The following VAV3 variants were observed in gnomAD, a reference collection of about 807,000 sequenced individuals.
VAV3 encodes vav guanine nucleotide exchange factor 3.
In VAV3, 94 loss-of-function variants were observed where a neutral mutation model predicts 131.2. That is an observed-to-expected ratio of 0.72 (90% CI 0.61 to 0.85). VAV3 has a LOEUF of 0.85. Among genes scored for constraint, VAV3 ranks in the 40% least tolerant of loss-of-function variants. The probability of loss-of-function intolerance (pLI) is 0.00; values close to 1 mark genes in which losing one functional copy is unlikely to be tolerated. For synonymous variants in VAV3, 349 were observed against 342.0 expected, an observed-to-expected ratio of 1.02 and a Z score of -0.22; for missense variants, 939 against 1,002.7, an observed-to-expected ratio of 0.94 and a Z score of 0.86.
chr1:107,922,232 T>C (rs1672932252), intron 1 of VAV3, among the ~76,000 whole-genome samples: 1 of 152,244 alleles, frequency 6.6e-6, no homozygotes, highest in South Asian at 2.1e-4. Context: ...TATCATAATA[T>C]ATATTTATAT....
chr1:107,597,022 G>T (rs1234184836), intron 24 of VAV3, among the ~76,000 whole-genome samples: 1 of 152,006 alleles, frequency 6.6e-6, no homozygotes, highest in African/African-American at 2.4e-5. Flanking sequence ...TCGCAGGTTG[G>T]TTTCATAGAT....
At chr1:107,759,417 T>G (rs1664295540) in intron 10 of VAV3, among the ~76,000 whole-genome samples, 2 of 152,178 alleles carry the variant, frequency 1.3e-5, no homozygotes, top group South Asian at 4.1e-4. Flanking sequence ...GAATCTGTGG[T>G]TTCAAATCAT....
At position 107,711,429 on chromosome 1, in the gene VAV3, G is replaced by A. The variant is rs185080245; in HGVS notation, c.1503-6368C>T. Among the ~76,000 whole-genome samples the A allele has an allele frequency of 1.4e-3, 213 of 152,150 alleles. 1 individual carries two copies. The highest frequency in any genetic ancestry group is 2.2e-3 in the Non-Finnish European group (149 of 67,996). Reference sequence around the variant, plus strand: ...TAAATCACATTTTTTTTAAGTCTAGGCAGATTGGCACAATGAAATTCAGTA... The same window carrying A: ...TAAATCACATTTTTTTTAAGTCTAGACAGATTGGCACAATGAAATTCAGTA... On this transcript the variant is annotated intron_variant, in intron 15 of 26. Coordinates refer to ENST00000370056, the MANE Select transcript of VAV3 (RefSeq NM_006113.5).
chr1:107,682,867 TG>T (rs1658747317), intron 19 of VAV3, among the ~76,000 whole-genome samples: 1 of 152,208 alleles, frequency 6.6e-6, no homozygotes. Context: ...AAAAAATCTT[TG>T]GTAATTAAAC....
intron 15 of VAV3, among the ~76,000 whole-genome samples, chr1:107,720,216 A>G (rs1209239110): frequency 6.6e-6 from 1 of 151,750 alleles, no homozygotes; most frequent in African/African-American, 2.4e-5. Context: ...TAATAAAAAA[A>G]TAAAAATAAA....
chr1:107,735,076 T>C (rs1011118083), intron 15 of VAV3, among the ~76,000 whole-genome samples: 19 of 152,170 alleles, frequency 1.2e-4, no homozygotes, highest in African/African-American at 4.6e-4. Context: ...CACAACTACA[T>C]GGAAACTGAA....
At chr1:107,707,082 G>A (rs1221900914) in intron 15 of VAV3, among the ~76,000 whole-genome samples, 2 of 152,138 alleles carry the variant, frequency 1.3e-5, no homozygotes, top group Non-Finnish European at 2.9e-5. Flanking sequence ...AAATTATGAT[G>A]AAAAAGGTTC....
intron 19 of VAV3, among the ~76,000 whole-genome samples, chr1:107,657,446 C>A (rs973035621): frequency 1.2e-4 from 19 of 152,090 alleles, no homozygotes; most frequent in Non-Finnish European, 2.4e-4. Flanking sequence ...CTTAATTTTC[C>A]CTTTCTGGCT....
chr1:107,682,720 T>C (rs1039115945), intron 19 of VAV3, among the ~76,000 whole-genome samples: 2 of 144,234 alleles, frequency 1.4e-5, no homozygotes, highest in Admixed American at 6.9e-5. Context: ...GAAAACAAAA[T>C]GAAACACATA....
intron 21 of VAV3, among the ~76,000 whole-genome samples, chr1:107,614,408 T>C (rs1652984698): frequency 6.6e-6 from 1 of 152,004 alleles, no homozygotes; most frequent in African/African-American, 2.4e-5. Flanking sequence ...TACCATTTTC[T>C]AAACTCCCTC....
intron 11 of VAV3, among the ~76,000 whole-genome samples, chr1:107,756,330 C>T (rs141464207): frequency 6.6e-6 from 1 of 152,236 alleles, no homozygotes; most frequent in African/African-American, 2.4e-5. Flanking sequence ...AGGGACAGAA[C>T]TCTGCAAAAA....
intron 2 of VAV3, among the ~76,000 whole-genome samples, chr1:107,814,014 G>GTGTA: frequency 7.2e-6 from 1 of 138,588 alleles, no homozygotes; most frequent in African/African-American, 2.6e-5. Flanking sequence ...GTGTGTGTGT[G>GTGTA]TATACACACC....
chr1:107,857,821 T>A (rs1342162771), intron 2 of VAV3, among the ~76,000 whole-genome samples: 1 of 152,200 alleles, frequency 6.6e-6, no homozygotes, highest in African/African-American at 2.4e-5. Context: ...GAATGAAGAA[T>A]GCTTCCTAGA....
chr1:107,837,313 C>T (rs570065674), intron 2 of VAV3, among the ~76,000 whole-genome samples: 4 of 152,044 alleles, frequency 2.6e-5, no homozygotes, highest in Non-Finnish European at 5.9e-5. Context: ...GAACTAAAAT[C>T]AAAAACCATA....
At chr1:107,586,230 TAGCAAGTGGC>T (rs1650482317) in intron 25 of VAV3, among the ~76,000 whole-genome samples, 1 of 151,848 alleles carries the variant, frequency 6.6e-6, no homozygotes. Context: ...CCTTCCCTAC[TAGCAAGTGGC>T]ATCTCCATTA....
rs1666482632 is a variant in VAV3 at position 107,795,280 on chromosome 1, T to A, written c.322-15788A>T. ...GTTACCAAGATAACTAGCATCTAAA[T>A]AACTTAGTAAACTATGTCCTTTAAA... On this transcript the variant is annotated intron_variant, in intron 2 of 26. Coordinates refer to ENST00000370056, the MANE Select transcript of VAV3 (RefSeq NM_006113.5). 2.0e-5 allele frequency among the ~76,000 whole-genome samples: 3 copies of A among 152,236 alleles called. No individual in the cohort carries two copies. In the South Asian group the frequency reaches 6.2e-4, roughly 32 times the overall value.
At chr1:107,866,871 C>T (rs1159520462) in intron 2 of VAV3, among the ~76,000 whole-genome samples, 1 of 147,572 alleles carries the variant, frequency 6.8e-6, no homozygotes, top group East Asian at 2.0e-4. Flanking sequence ...AACCATTTAG[C>T]TCCTGGCAGG....
intron 20 of VAV3, among the ~76,000 whole-genome samples, chr1:107,618,543 A>G (rs1196338174): frequency 6.6e-6 from 1 of 152,236 alleles, no homozygotes; most frequent in Admixed American, 6.5e-5. Context: ...GGTTTTTATC[A>G]TTAAACTGCA....
intron 2 of VAV3, among the ~76,000 whole-genome samples, chr1:107,841,882 T>C (rs1253344819): frequency 6.6e-6 from 1 of 152,166 alleles, no homozygotes; most frequent in Non-Finnish European, 1.5e-5. Context: ...TAAATGATAA[T>C]TGGGGTGCGT....
Sources: gnomAD v4.1 joint callset for allele counts (sites outside exome capture counted in the v4.1 genomes callset) on GRCh38, gnomAD v4.1.1 for gene constraint, MANE v1.5 for transcripts, NCBI Gene and HGNC (gene_info 2026-07-23, HGNC 2026-07-21) for gene names.